The following MAPK10 variants were observed in gnomAD, a reference collection of about 807,000 sequenced individuals.
The protein encoded by MAPK10 is JNK3 alpha protein kinase.
Under a neutral mutation model 59.3 loss-of-function variants are expected in MAPK10, and 25 were observed. The observed-to-expected ratio is 0.42, with a 90% CI of 0.31 to 0.59. The LOEUF is 0.59. Among genes scored for constraint, MAPK10 ranks in the 20% least tolerant of loss-of-function variants. MAPK10 has a pLI of 0.15. For synonymous variants in MAPK10, 190 were observed against 200.5 expected, an observed-to-expected ratio of 0.95 and a Z score of 0.44; for missense variants, 351 against 568.9, an observed-to-expected ratio of 0.62 and a Z score of 3.90.
At chr4:86,182,875 A>T (rs553546666) in intron 3 of MAPK10, among the ~76,000 whole-genome samples, 1 of 152,254 alleles carries the variant, frequency 6.6e-6, no homozygotes, top group South Asian at 2.1e-4. Context: ...AATAAGCAAG[A>T]AAATCCAGTC....
At chr4:86,343,210 C>T (rs1726062322) in intron 2 of MAPK10, among the ~76,000 whole-genome samples, 1 of 152,190 alleles carries the variant, frequency 6.6e-6, no homozygotes, top group African/African-American at 2.4e-5. Context: ...GACCTCCTGA[C>T]CTACCATCTG....
intron 2 of MAPK10, among the ~76,000 whole-genome samples, chr4:86,289,084 G>T (rs1215136784): frequency 6.6e-6 from 1 of 152,178 alleles, no homozygotes; most frequent in African/African-American, 2.4e-5. Flanking sequence ...TATTTAGATA[G>T]AGTAGTCAGA....
At chr4:86,471,029 G>A (rs891659025) in intron 1 of MAPK10, among the ~76,000 whole-genome samples, 1 of 152,126 alleles carries the variant, frequency 6.6e-6, no homozygotes, top group Non-Finnish European at 1.5e-5. Flanking sequence ...CCAGCACTTT[G>A]GGAGGCTGAC....
In MAPK10 at chr4:86,384,503, G is replaced by A. The variant is rs150060597; in HGVS notation, c.-121-29859C>T. Among the ~76,000 whole-genome samples the A allele has an allele frequency of 2.2e-3, 334 of 152,258 alleles. 2 individuals are homozygous for A. The highest frequency in any genetic ancestry group is 3.0e-3 in the Non-Finnish European group (202 of 68,028). On this transcript the variant is annotated intron_variant, in intron 1 of 13. Transcript: ENST00000361569. ...TATGTAGTGGGAAGCTATGAAGTGC[G>A]GAAAGCGAGCCTGATTTACACTAGG...
At chr4:86,132,746 C>T (rs1281965088) in intron 4 of MAPK10, among the ~76,000 whole-genome samples, 6 of 152,132 alleles carry the variant, frequency 3.9e-5, no homozygotes, top group East Asian at 3.9e-4. Flanking sequence ...TTGTGAACTG[C>T]GCATATGAGG....
intron 1 of MAPK10, among the ~76,000 whole-genome samples, chr4:86,459,826 G>A (rs1010035090): frequency 4.0e-5 from 6 of 151,350 alleles, no homozygotes; most frequent in African/African-American, 1.2e-4. Flanking sequence ...TATACTGCTC[G>A]GGTGATGGGT....
intron 4 of MAPK10, among the ~76,000 whole-genome samples, chr4:86,147,653 C>G (rs2065332048): frequency 6.6e-6 from 1 of 152,132 alleles, no homozygotes; most frequent in Non-Finnish European, 1.5e-5. Flanking sequence ...AAATTTGTAT[C>G]AAGTCCTCAG....
At position 86,301,573 on chromosome 4, in the gene MAPK10, T is replaced by A. The variant is rs553818832; in HGVS notation, c.-7+52957A>T. On this transcript the variant is annotated intron_variant, in intron 2 of 13. Coordinates refer to ENST00000641462, the MANE Select transcript of MAPK10 (RefSeq NM_138982.4). The stretch of plus-strand genomic sequence containing the variant: ...TAATGAAGGGAAGAGTCTAATAGAC[T>A]TCTTCCAGGAAATTTGACGGGCTTA... Among the ~76,000 whole-genome samples the A allele has an allele frequency of 1.3e-3, 204 of 152,264 alleles. 1 individual carries two copies. The highest frequency in any genetic ancestry group is 1.2e-3 in the Non-Finnish European group (84 of 68,014).
intron 3 of MAPK10, among the ~76,000 whole-genome samples, chr4:86,189,558 T>C (rs2079143323): frequency 6.6e-6 from 1 of 152,188 alleles, no homozygotes; most frequent in South Asian, 2.1e-4. Context: ...TTGTCTATTA[T>C]TGGTATATAG....
At chr4:86,536,483 A>G (rs4607180) in intron 1 of MAPK10, among the ~76,000 whole-genome samples, 34,379 of 152,138 alleles carry the variant, frequency 0.23, 4,615 homozygotes, top group Admixed American at 0.3. Flanking sequence ...AGCTTTCACT[A>G]TTTAATTTTA....
chr4:86,467,241 C>G (rs1423732131), intron 1 of MAPK10, among the ~76,000 whole-genome samples: 1 of 152,150 alleles, frequency 6.6e-6, no homozygotes, highest in Non-Finnish European at 1.5e-5. Context: ...TCATTTGTGC[C>G]AAGTGTCGCA....
intron 2 of MAPK10, among the ~76,000 whole-genome samples, chr4:86,291,907 T>G (rs189499938): frequency 6.6e-5 from 10 of 152,170 alleles, no homozygotes; most frequent in Non-Finnish European, 1.2e-4. Flanking sequence ...TTTTATAAAT[T>G]TTTGTACTTA....
chr4:86,583,752 T>C (rs1334161715), intron 1 of MAPK10, among the ~76,000 whole-genome samples: 1 of 152,198 alleles, frequency 6.6e-6, no homozygotes, highest in African/African-American at 2.4e-5. Context: ...GCCAATAGTC[T>C]TTCTGATGCA....
upstream of MAPK10, among the ~76,000 whole-genome samples, chr4:86,454,068 A>G (rs1291279568): frequency 6.6e-6 from 1 of 152,226 alleles, no homozygotes; most frequent in African/African-American, 2.4e-5. Context: ...AAAGAGGGAC[A>G]GTACTACATC....
At chr4:86,585,612 C>T (rs1230305204) in intron 1 of MAPK10, among the ~76,000 whole-genome samples, 6 of 152,166 alleles carry the variant, frequency 3.9e-5, no homozygotes, top group African/African-American at 7.2e-5. Context: ...TTATAGTTCT[C>T]TACTTTAACT....
chr4:86,118,044 CTTCCTGTAACTGCAGGCACCCATT>C (rs1266519432), intron 4 of MAPK10: 3 of 152,190 alleles, frequency 2.0e-5, no homozygotes, highest in Non-Finnish European at 2.9e-5. Context: ...TTCTCCAGGC[CTTCCTGTAACTGCAGGCACCCATT>C]TACAGCATTT....
At chr4:86,547,519 C>T (rs976448441) in intron 1 of MAPK10, among the ~76,000 whole-genome samples, 9 of 152,216 alleles carry the variant, frequency 5.9e-5, no homozygotes, top group South Asian at 2.1e-4. Flanking sequence ...ACCTGCAGCC[C>T]GCCATGCCTG....
chr4:86,193,104 T>C (rs1168785895), intron 3 of MAPK10: 1 of 152,510 alleles, frequency 6.6e-6, no homozygotes, highest in East Asian at 1.9e-4. Flanking sequence ...CAGCAGAGAC[T>C]GCAGAATAGC....
chr4:86,482,189 A>C (rs1031723310), intron 1 of MAPK10, among the ~76,000 whole-genome samples: 1 of 151,990 alleles, frequency 6.6e-6, no homozygotes, highest in Non-Finnish European at 1.5e-5. Context: ...TGAATTCTAC[A>C]CTCCTGCCTA....
Sources: gnomAD v4.1 joint callset for allele counts (sites outside exome capture counted in the v4.1 genomes callset) on GRCh38, gnomAD v4.1.1 for gene constraint, MANE v1.5 for transcripts, NCBI Gene and HGNC (gene_info 2026-07-23, HGNC 2026-07-21) for gene names.